The following ACACB variants were observed in gnomAD, a reference collection of about 807,000 sequenced individuals.
ACACB encodes acetyl-CoA carboxylase 2.
A neutral mutation model predicts 278.8 loss-of-function variants in ACACB; 209 were observed. The ratio of observed to expected loss-of-function variants is 0.75; its 90% confidence interval spans 0.67 to 0.84. The LOEUF (loss-of-function observed/expected upper bound fraction) is 0.84, where lower values mean the gene tolerates loss of function less well. ACACB is among the 40% of genes least tolerant of loss of function. The pLI is 0.00. For missense variants in ACACB, 2,850 were observed against 3,269.0 expected (o/e 0.87, Z 3.13); for synonymous variants, 1,174 against 1,285.6 (o/e 0.91, Z 1.86).
At chr12:109,115,589 A>AC (rs11398041), upstream of ACACB, among the ~76,000 whole-genome samples, 84,708 of 151,804 alleles carry the variant, frequency 0.56, 25,343 homozygotes, top group African/African-American at 0.77. Flanking sequence ...GCATTCCTTC[A>AC]CCCCGGTTCC....
At position 109,171,805 on chromosome 12, in the gene ACACB, A is replaced by G; in HGVS notation, c.926A>G (p.Glu309Gly). ...VTPEDLKANA[E>G]YIKMADHYVP... ...CCTTCTCCCTCCCATTTAATTTCAG[A>G]GTACATCAAGATGGCGGATCATTAC... The change falls in exon 5 of 53, where the codon GAG becomes GGG. Residue 309 changes from glutamate (E) to glycine (G), a missense_variant and splice_region_variant. Glu to Gly is a moderately conservative substitution (Grantham distance 98, BLOSUM62 -2). Coordinates refer to ENST00000338432, the MANE Select transcript of ACACB (RefSeq NM_001093.4). 6.2e-7 allele frequency: 1 copy of G among 1,611,680 alleles called. No individual in the cohort carries two copies. The highest frequency in any genetic ancestry group is 8.5e-7 in the Non-Finnish European group (1 of 1,177,836).
intron 11 of ACACB, among the ~76,000 whole-genome samples, chr12:109,184,263 G>T (rs1246388256): frequency 1.3e-5 from 2 of 152,112 alleles, no homozygotes; most frequent in Non-Finnish European, 2.9e-5. Flanking sequence ...ATGTTGGCCA[G>T]GCTGGTCTCG....
rs2047539121 is a variant in ACACB, at chr12:109,267,223, C to T, written c.*861C>T. On this transcript the variant is annotated 3_prime_UTR_variant, in exon 53 of 53. Coordinates refer to ENST00000338432, the MANE Select transcript of ACACB (RefSeq NM_001093.4). The stretch of plus-strand genomic sequence containing the variant: ...AGAGAGTGAAATGCTATTTTGTTCC[C>T]CAAATGGCGCTAGTGAATCACTAGG... 6.6e-6 allele frequency: 1 copy of T among 152,126 alleles called. No homozygotes were observed. The highest frequency in any genetic ancestry group is 6.5e-5 in the Admixed American group (1 of 15,272). 9.4% of individuals were successfully genotyped at this position (152,126 alleles called of 1,614,324 possible). A position where few individuals can be genotyped will look rare whatever the true frequency, so the allele number is the denominator to read the frequency against.
At chr12:109,251,593 A>G (rs954161481) in intron 41 of ACACB, among the ~76,000 whole-genome samples, 8 of 152,194 alleles carry the variant, frequency 5.3e-5, no homozygotes, top group African/African-American at 1.2e-4. Flanking sequence ...AGCTTCCCCT[A>G]TGGTACTTAC....
chr12:109,196,405 G>C lies in ACACB; in HGVS notation c.2482-603G>C, dbSNP rs115824820. Reference sequence around the variant, plus strand: ...TCAATATCAAGATACTGGCAGATTTGGTATCTACTGAGGACCCACCTTTCG... The same window carrying C: ...TCAATATCAAGATACTGGCAGATTTCGTATCTACTGAGGACCCACCTTTCG... On this transcript the variant is annotated intron_variant, in intron 16 of 52. Transcript: ENST00000338432. Among the ~76,000 whole-genome samples the C allele has an allele frequency of 8.7e-3, 1,327 of 152,248 alleles. 29 individuals carry two copies. Among genetic ancestry groups the C allele is most frequent in the African/African-American group, 0.03 (1,260 of 41,524 alleles).
Position 109,139,761 on chromosome 12 carries a change from G to C in ACACB, c.356G>C (p.Gly119Ala). ...AAPSPELQAN[G>A]TGTQGLEATD... is the part of the protein sequence containing the mutation. ...CCCTCCCCAGAGCTTCAAGCCAACG[G>C]GACTGGGACACAAGGTCTGGAGGCC... is the stretch of plus-strand genomic sequence containing the variant. Residue 119 changes from glycine (G) to alanine (A), a missense_variant, in exon 2 of 53, where the codon GGG becomes GCG. Physicochemically the swap from Gly to Ala is moderately conservative, Grantham distance 60 (BLOSUM62 0). Coordinates refer to ENST00000338432, the MANE Select transcript of ACACB (RefSeq NM_001093.4). 1 of 1,614,150 alleles carries C rather than the reference G, an allele frequency of 6.2e-7. No individual in the cohort carries two copies. Among genetic ancestry groups the C allele is most frequent in the Admixed American group, 1.7e-5 (1 of 59,992 alleles).
At chr12:109,250,447 G>C (rs971510773) in intron 41 of ACACB, among the ~76,000 whole-genome samples, 4 of 152,130 alleles carry the variant, frequency 2.6e-5, no homozygotes, top group Non-Finnish European at 5.9e-5. Flanking sequence ...TTGAAACCCA[G>C]TGTGGTTTAA....
At chr12:109,200,180 C>T (rs1186531429) in intron 18 of ACACB, among the ~76,000 whole-genome samples, 1 of 151,530 alleles carries the variant, frequency 6.6e-6, no homozygotes, top group Non-Finnish European at 1.5e-5. Flanking sequence ...AATCAGTTTC[C>T]TTGATTTCTT....
chr12:109,153,406 C>T (rs1371768828), intron 2 of ACACB, among the ~76,000 whole-genome samples: 5 of 152,160 alleles, frequency 3.3e-5, no homozygotes, highest in Admixed American at 3.3e-4. Context: ...TTCTGCTTTG[C>T]CCTCTGAAGT....
chr12:109,259,057 T>G lies in ACACB; in HGVS notation c.6445T>G (p.Leu2149Val). Residue 2149 changes from leucine to valine, a missense_variant, in exon 47 of 53, where the codon TTG (leucine) becomes GTG (valine). Physicochemically the swap from Leu to Val is conservative, Grantham distance 32 (BLOSUM62 1). Transcript: ENST00000338432. Reference sequence around the variant, plus strand: ...CGTCAAGGACTTCAACCGGGAGAAGTTGCCCCTGATGATCTTTGCCAACTG... The same window carrying G: ...CGTCAAGGACTTCAACCGGGAGAAGGTGCCCCTGATGATCTTTGCCAACTG... ...QAVKDFNREK[L>V]PLMIFANWRG... 1.9e-6 allele frequency: 3 copies of G among 1,614,064 alleles called. No homozygotes were observed. Among genetic ancestry groups the G allele is most frequent in the Non-Finnish European group, 2.5e-6 (3 of 1,179,996 alleles).
chr12:109,254,794 T>G (rs75346320), intron 44 of ACACB, among the ~76,000 whole-genome samples: 1 of 151,882 alleles, frequency 6.6e-6, no homozygotes, highest in Non-Finnish European at 1.5e-5. Flanking sequence ...TTTTTTTTTT[T>G]GAGACAGTGT....
chr12:109,122,293 G>A (rs2042566589), intron 1 of ACACB, among the ~76,000 whole-genome samples: 1 of 152,212 alleles, frequency 6.6e-6, no homozygotes, highest in Non-Finnish European at 1.5e-5. Context: ...GTCTCACAAG[G>A]TGGAATGAGA....
intron 24 of ACACB, among the ~76,000 whole-genome samples, chr12:109,218,367 AGTTT>A (rs57423055): frequency 0.063 from 9,473 of 150,042 alleles, 940 homozygotes; most frequent in African/African-American, 0.21. Context: ...ACGCCCAGCT[AGTTT>A]GTTTGTTTGT....
chr12:109,260,127 A>C, intron 47 of ACACB: 7 of 1,381,692 alleles, frequency 5.1e-6, no homozygotes, highest in Non-Finnish European at 6.7e-6. Context: ...GCCCATGCAC[A>C]TTGGGGAAGG....
intron 40 of ACACB, among the ~76,000 whole-genome samples, chr12:109,247,991 G>T (rs2046994626): frequency 6.6e-6 from 1 of 152,254 alleles, no homozygotes; most frequent in African/African-American, 2.4e-5. Flanking sequence ...CTCACATTTT[G>T]TGACCAAACT....
At chr12:109,253,186 C>A (rs1222817970) in intron 43 of ACACB, 28 bp downstream of exon 43, 2 of 1,514,244 alleles carry the variant, frequency 1.3e-6, no homozygotes, top group Non-Finnish European at 1.8e-6. Context: ...CAGCTTAGAA[C>A]CTGGAAGACT....
chr12:109,209,102 T>C, intron 20 of ACACB, 63 bp from the exon 21 acceptor site: 1 of 1,503,762 alleles, frequency 6.6e-7, no homozygotes, highest in East Asian at 2.5e-5. Flanking sequence ...GGGTGCCCTG[T>C]TTGGGGCGGT....
intron 26 of ACACB, among the ~76,000 whole-genome samples, chr12:109,223,372 C>T (rs942897405): frequency 6.6e-6 from 1 of 152,150 alleles, no homozygotes; most frequent in Non-Finnish European, 1.5e-5. Flanking sequence ...GGGAGGAGCC[C>T]AGCGCGCTGC....
At chr12:109,120,128 T>C (rs1190169617) in intron 1 of ACACB, among the ~76,000 whole-genome samples, 2 of 152,192 alleles carry the variant, frequency 1.3e-5, no homozygotes, top group African/African-American at 2.4e-5. Context: ...TGCTGTGTTA[T>C]AAGGAAGGCT....
Sources: gnomAD v4.1 joint callset for allele counts (sites outside exome capture counted in the v4.1 genomes callset) on GRCh38, gnomAD v4.1.1 for gene constraint, MANE v1.5 for transcripts, NCBI Gene and HGNC (gene_info 2026-07-23, HGNC 2026-07-21) for gene names.